CRB1: variants seen among roughly 807,000 people sequenced by gnomAD.
CRB1 encodes protein crumbs homolog 1.
A neutral mutation model predicts 120.0 loss-of-function variants in CRB1; 83 were observed. That is an observed-to-expected ratio of 0.69 (90% CI 0.58 to 0.83). The LOEUF is 0.83. Among genes scored for constraint, CRB1 ranks in the 40% least tolerant of loss-of-function variants. The pLI, the probability that CRB1 is intolerant of heterozygous loss-of-function variation, is 0.00. For synonymous variants in CRB1, 625 were observed against 612.5 expected (o/e 1.02, Z -0.30); for missense variants, 1,699 against 1,687.6 (o/e 1.01, Z -0.12).
chr1:197,350,287 A>C (rs1316451361), intron 4 of CRB1, among the ~76,000 whole-genome samples: 1 of 152,110 alleles, frequency 6.6e-6, no homozygotes, highest in African/African-American at 2.4e-5. Flanking sequence ...CTTCATCTCT[A>C]AGTTCCTCAT....
At chr1:197,228,376 C>T in the CRB1 span, among the ~76,000 whole-genome samples, 1 of 152,150 alleles carries the variant, frequency 6.6e-6, no homozygotes, top group African/African-American at 2.4e-5. Context: ...AAATTTCTTC[C>T]ACCAGATACC....
intron 1 of CRB1, among the ~76,000 whole-genome samples, chr1:197,317,607 TA>T (rs1657931107): frequency 6.6e-6 from 1 of 152,026 alleles, no homozygotes; most frequent in African/African-American, 2.4e-5. Flanking sequence ...ACCAAAAGGC[TA>T]GAGTAACCAA....
chr1:197,407,857 A>T (rs1663495127), intron 5 of CRB1, among the ~76,000 whole-genome samples: 1 of 152,218 alleles, frequency 6.6e-6, no homozygotes, highest in Non-Finnish European at 1.5e-5. Flanking sequence ...CCATTCATGG[A>T]TACATTAGAT....
At chr1:197,386,627 G>A (rs912900104) in intron 5 of CRB1, among the ~76,000 whole-genome samples, 3 of 152,024 alleles carry the variant, frequency 2.0e-5, no homozygotes, top group African/African-American at 7.2e-5. Flanking sequence ...TGGTCAAAAC[G>A]GACTGCAAGA....
the CRB1 span, among the ~76,000 whole-genome samples, chr1:197,252,863 C>G: frequency 6.6e-6 from 1 of 151,576 alleles, no homozygotes; most frequent in East Asian, 2.0e-4. Flanking sequence ...CAAATTCGCC[C>G]TTACATCTGT....
the CRB1 span, among the ~76,000 whole-genome samples, chr1:197,209,143 A>G: frequency 1.3e-5 from 2 of 152,160 alleles, no homozygotes; most frequent in African/African-American, 2.4e-5. Context: ...ACCCTAGGCT[A>G]CTAGCCTCCC....
At chr1:197,476,548 T>C (rs774360089) in intron 11 of CRB1, among the ~76,000 whole-genome samples, 1 of 152,122 alleles carries the variant, frequency 6.6e-6, no homozygotes, top group Non-Finnish European at 1.5e-5. Flanking sequence ...ATGAACCACA[T>C]TTGAGCAAGG....
intron 8 of CRB1, among the ~76,000 whole-genome samples, 183 bp downstream of exon 8, chr1:197,429,797 C>G (rs1395336172): frequency 6.6e-6 from 1 of 152,178 alleles, no homozygotes; most frequent in African/African-American, 2.4e-5. Flanking sequence ...TGGTGGCTGT[C>G]TGGATAGGAA....
At chr1:197,446,216 A>AT (rs1175137831) in intron 11 of CRB1, among the ~76,000 whole-genome samples, 3 of 152,140 alleles carry the variant, frequency 2.0e-5, no homozygotes, top group African/African-American at 7.2e-5. Context: ...GATTAAACAA[A>AT]TAGTCTTAGG....
At chr1:197,295,313 A>G (rs1656456848) in intron 1 of CRB1, among the ~76,000 whole-genome samples, 1 of 152,004 alleles carries the variant, frequency 6.6e-6, no homozygotes, top group African/African-American at 2.4e-5. Flanking sequence ...CCTGAGTCCT[A>G]AGGATCAAAG....
intron 5 of CRB1, among the ~76,000 whole-genome samples, chr1:197,406,365 T>C (rs9427667): frequency 0.069 from 10,449 of 152,108 alleles, 1,262 homozygotes; most frequent in African/African-American, 0.24. Flanking sequence ...GTTAAACAGA[T>C]GCTTGAAGGC....
At chr1:197,305,596 T>G (rs534145948) in intron 1 of CRB1, among the ~76,000 whole-genome samples, 2 of 151,898 alleles carry the variant, frequency 1.3e-5, no homozygotes, top group Non-Finnish European at 2.9e-5. Flanking sequence ...AATCTGTGAT[T>G]TTTTTATGAG....
chr1:197,433,763 T>C (rs1269315647), intron 8 of CRB1, among the ~76,000 whole-genome samples: 4 of 152,046 alleles, frequency 2.6e-5, no homozygotes, highest in African/African-American at 9.7e-5. Flanking sequence ...AGGAATAATA[T>C]GTTTAAAAGG....
At chr1:197,355,400 C>T (rs1660411009) in intron 4 of CRB1, among the ~76,000 whole-genome samples, 1 of 152,230 alleles carries the variant, frequency 6.6e-6, no homozygotes. Flanking sequence ...CGCTGGCACT[C>T]CTCAGCCCTT....
intron 1 of CRB1, among the ~76,000 whole-genome samples, chr1:197,298,756 A>T (rs956138117): frequency 1.3e-5 from 2 of 152,266 alleles, no homozygotes; most frequent in South Asian, 2.1e-4. Context: ...CATAAGAGAA[A>T]TGGTATTGCC....
rs968688189 is a variant in CRB1, at chr1:197,364,007, A to G, written c.1171+6994A>G. On this transcript the variant is annotated intron_variant, in intron 5 of 11. Transcript: ENST00000367400. The stretch of plus-strand genomic sequence containing the variant: ...AGCTATGAAAAGTGCCGGCGGATCT[A>G]CAGTATGGAAATGGCTCACAAGATC... The G allele has an allele frequency of 1.0e-5, 14 of 1,386,680 alleles. No homozygotes were observed. The African/African-American group carries it at 1.7e-4, about 17-fold the overall frequency. The allele number at this position is 1,386,680 out of a possible 1,614,324, so 85.9% of individuals were successfully genotyped here.
intron 11 of CRB1, among the ~76,000 whole-genome samples, chr1:197,472,833 GA>G (rs1667039362): frequency 6.6e-6 from 1 of 152,110 alleles, no homozygotes; most frequent in African/African-American, 2.4e-5. Flanking sequence ...TAGGAGTTCT[GA>G]AATCCAAACA....
chr1:197,417,393 G>A (rs549379232), intron 5 of CRB1, among the ~76,000 whole-genome samples: 1 of 152,282 alleles, frequency 6.6e-6, no homozygotes, highest in Non-Finnish European at 1.5e-5. Flanking sequence ...TGAATCCTGT[G>A]GTCTAGATGG....
At chr1:197,356,742 G>T (rs1660496680) in intron 4 of CRB1, 89 bp from the exon 5 acceptor site, 5 of 1,300,646 alleles carry the variant, frequency 3.8e-6, no homozygotes, top group Admixed American at 1.8e-5. Context: ...CTAAATCAAT[G>T]CCAGTATAGC....
Sources: allele counts gnomAD v4.1 joint callset (sites outside exome capture counted in the v4.1 genomes callset), GRCh38; gene constraint gnomAD v4.1.1; transcripts MANE v1.5; gene names NCBI Gene and HGNC (gene_info 2026-07-23, HGNC 2026-07-21).